Variants in METTL8 observed in about 807,000 individuals in gnomAD.
METTL8 encodes the protein tRNA N(3)-cytidine methyltransferase METTL8, mitochondrial.
Under a neutral mutation model 48.7 loss-of-function variants are expected in METTL8, and 32 were observed. That is an observed-to-expected ratio of 0.66 (90% CI 0.50 to 0.88). METTL8 has a LOEUF of 0.88. Ranked by LOEUF, METTL8 falls within the 40% of genes least tolerant of loss-of-function variation. METTL8 has a pLI of 0.00. For synonymous variants in METTL8, 136 were observed against 157.1 expected (o/e 0.87, Z 1.01); for missense variants, 464 against 474.4 (o/e 0.98, Z 0.20).
At chr2:171,418,507 C>T (rs1157030402) in intron 1 of METTL8, among the ~76,000 whole-genome samples, 4 of 151,848 alleles carry the variant, frequency 2.6e-5, no homozygotes, top group East Asian at 2.0e-4. Flanking sequence ...TTTGCATGGA[C>T]GATTTGTCTC....
At chr2:171,388,934 T>A (rs1249918074) in intron 2 of METTL8, among the ~76,000 whole-genome samples, 1 of 152,224 alleles carries the variant, frequency 6.6e-6, no homozygotes, top group African/African-American at 2.4e-5. Context: ...AAATGTTATG[T>A]GTGTTCTGAC....
chr2:171,371,984 C>T (rs183963273), intron 2 of METTL8, among the ~76,000 whole-genome samples: 55 of 152,176 alleles, frequency 3.6e-4, no homozygotes, highest in Admixed American at 3.6e-3. Flanking sequence ...TGAGCCACAA[C>T]ACCAGCCTGA....
intron 3 of METTL8, among the ~76,000 whole-genome samples, chr2:171,359,724 T>G (rs1039828539): frequency 6.6e-6 from 1 of 151,992 alleles, no homozygotes; most frequent in South Asian, 2.1e-4. Context: ...GCGATTCTCC[T>G]GCCTCAGCCT....
At chr2:171,387,182 A>G (rs1688142432) in intron 2 of METTL8, among the ~76,000 whole-genome samples, 1 of 152,224 alleles carries the variant, frequency 6.6e-6, no homozygotes, top group Admixed American at 6.5e-5. Context: ...CTGCCTATGC[A>G]TGGCTAAACT....
intron 4 of METTL8, among the ~76,000 whole-genome samples, chr2:171,338,472 T>C (rs1411253817): frequency 2.0e-5 from 3 of 151,834 alleles, no homozygotes; most frequent in Admixed American, 2.0e-4. Context: ...ACCCTGTCTC[T>C]ACTAAAAATA....
intron 2 of METTL8, among the ~76,000 whole-genome samples, chr2:171,389,890 T>TA (rs149738421): frequency 0.031 from 4,729 of 152,226 alleles, 82 homozygotes; most frequent in East Asian, 0.051. Flanking sequence ...GTGGTTACAC[T>TA]AAAAAACAAA....
chr2:171,324,273 C>A lies in METTL8; in HGVS notation c.1123G>T (p.Val375Leu), dbSNP rs1173399303. 3.2e-6 allele frequency: 5 copies of A among 1,551,478 alleles called. No homozygotes were observed. The highest frequency in any genetic ancestry group is 8.7e-7 in the Non-Finnish European group (1 of 1,146,984). Residue 375 changes from valine (V) to leucine (L), a missense_variant, in exon 10 of 10, where the codon GTG becomes TTG. Coordinates refer to ENST00000375258, the MANE Select transcript of METTL8 (RefSeq NM_001321154.2). ...RRLQVNRKKQ[V>L]KMHRVWIQGK... ...TGAATCCACACTCGGTGCATTTTCA[C>A]TTGTTTTTTCCTATTAACTTGTAAG... is the stretch of plus-strand genomic sequence containing the variant.
chr2:171,333,590 T>C (rs1446909606), intron 5 of METTL8, among the ~76,000 whole-genome samples: 1 of 152,258 alleles, frequency 6.6e-6, no homozygotes, highest in African/African-American at 2.4e-5. Flanking sequence ...CTTGGTCTTT[T>C]CTCATCTGTC....
At chr2:171,367,026 C>G (rs1205525140) in intron 2 of METTL8, among the ~76,000 whole-genome samples, 1 of 151,730 alleles carries the variant, frequency 6.6e-6, no homozygotes, top group Non-Finnish European at 1.5e-5. Context: ...AAGTGTGAGT[C>G]TCAGTAACCT....
intron 3 of METTL8, among the ~76,000 whole-genome samples, chr2:171,356,952 A>ATGTTTTTTTTTTTTT: frequency 0.11 from 8,301 of 78,234 alleles, 2,947 homozygotes; most frequent in South Asian, 0.11. Context: ...CAAAGACAAT[A>ATGTTTTTTTTTTTTT]TTTTTTTTTT....
intron 2 of METTL8, among the ~76,000 whole-genome samples, chr2:171,374,476 T>G (rs1686732253): frequency 6.6e-6 from 1 of 152,228 alleles, no homozygotes; most frequent in Non-Finnish European, 1.5e-5. Context: ...TGGAAGTAAC[T>G]TTTTTTAAGG....
At chr2:171,366,633 G>A (rs998319972) in intron 2 of METTL8, among the ~76,000 whole-genome samples, 2 of 152,110 alleles carry the variant, frequency 1.3e-5, no homozygotes, top group African/African-American at 4.8e-5. Context: ...AAGATGGACA[G>A]AATGAATGCA....
intron 1 of METTL8, among the ~76,000 whole-genome samples, chr2:171,410,560 G>GA (rs1356741563): frequency 6.6e-6 from 1 of 152,178 alleles, no homozygotes; most frequent in East Asian, 1.9e-4. Context: ...AATAAGTGCT[G>GA]TCCCTTCAAA....
intron 3 of METTL8, among the ~76,000 whole-genome samples, chr2:171,355,465 T>G (rs1684424941): frequency 6.6e-6 from 1 of 152,166 alleles, no homozygotes; most frequent in Non-Finnish European, 1.5e-5. Context: ...TCAAACTCTG[T>G]GCTGGGAGAA....
intron 2 of METTL8, among the ~76,000 whole-genome samples, chr2:171,380,688 C>T (rs1687432124): frequency 6.6e-6 from 1 of 152,140 alleles, no homozygotes; most frequent in Non-Finnish European, 1.5e-5. Flanking sequence ...ATACAGCTAA[C>T]AAGGGGCATG....
Position 171,331,798 on chromosome 2 carries a change from G to T in METTL8, c.720+6C>A. 1 of 1,595,236 alleles carries T rather than the reference G, an allele frequency of 6.3e-7. No homozygotes were observed. The highest frequency in any genetic ancestry group is 8.6e-7 in the Non-Finnish European group (1 of 1,167,506). On this transcript the variant is annotated splice_donor_region_variant and intron_variant, in intron 6 of 9. Coordinates refer to ENST00000375258, the MANE Select transcript of METTL8 (RefSeq NM_001321154.2). ...TCAGTTGGTATGATTCCCAGGAGTA[G>T]CATACCTTTACGAGCTCCACAGCTC...
At chr2:171,357,394 A>G (rs1020862595) in intron 3 of METTL8, among the ~76,000 whole-genome samples, 1 of 152,230 alleles carries the variant, frequency 6.6e-6, no homozygotes, top group Non-Finnish European at 1.5e-5. Context: ...AACAGTGAAC[A>G]ATCTGAAAAA....
Position 171,330,620 on chromosome 2 carries a change from G to A in METTL8, c.799C>T (p.Pro267Ser). ...VCDDGLPYPF[P>S]DGILDVILLV... Reference sequence around the variant, plus strand: ...AGAATGACATCCAGGATCCCATCTGGAAAAGGGTAAGGTAAGCCATCATCA... The same window carrying A: ...AGAATGACATCCAGGATCCCATCTGAAAAAGGGTAAGGTAAGCCATCATCA... Residue 267 changes from proline to serine, a missense_variant, in exon 7 of 10, where the codon CCA becomes TCA. Coordinates refer to ENST00000375258, the MANE Select transcript of METTL8 (RefSeq NM_001321154.2). 1 of 1,613,794 alleles carries A rather than the reference G, an allele frequency of 6.2e-7. No individual in the cohort carries two copies. The highest frequency in any genetic ancestry group is 8.5e-7 in the Non-Finnish European group (1 of 1,179,774).
intron 3 of METTL8, among the ~76,000 whole-genome samples, chr2:171,353,695 T>G (rs1167365951): frequency 2.0e-5 from 3 of 152,242 alleles, no homozygotes; most frequent in Non-Finnish European, 4.4e-5. Flanking sequence ...CTTGTTGAAT[T>G]GATCCCTTTA....
Sources: allele counts gnomAD v4.1 joint callset (sites outside exome capture counted in the v4.1 genomes callset), GRCh38; gene constraint gnomAD v4.1.1; transcripts MANE v1.5; gene names NCBI Gene and HGNC (gene_info 2026-07-23, HGNC 2026-07-21).